Variants in CREB5 observed in about 807,000 individuals in gnomAD.
CREB5 encodes the protein cAMP responsive element binding protein 5.
A neutral mutation model predicts 57.1 loss-of-function variants in CREB5; 19 were observed. That is an observed-to-expected ratio of 0.33 (90% CI 0.23 to 0.49). The LOEUF is 0.49. CREB5 is among the 20% of genes least tolerant of loss of function. The pLI is 0.99. For missense variants in CREB5, 579 were observed against 671.6 expected (o/e 0.86, Z 1.52); for synonymous variants, 238 against 238.3 (o/e 1.00, Z 0.01).
chr7:28,537,470 G>A (rs1794012022), intron 4 of CREB5, among the ~76,000 whole-genome samples: 1 of 150,956 alleles, frequency 6.6e-6, no homozygotes. Context: ...TGATGCAAAT[G>A]CCTCAGAAAT....
rs2240484 is a variant in CREB5 at position 28,667,073 on chromosome 7, G to A, written c.465-51680G>A. On this transcript the variant is annotated intron_variant, in intron 5 of 10. Transcript: ENST00000357727. ...TCTGCTTTTTTGTGAAGAGTGAAAC[G>A]AGGACTGATGCTCTTGGAATCATGT... 3.3e-5 allele frequency among the ~76,000 whole-genome samples: 5 copies of A among 151,784 alleles called. No homozygotes were observed. In the South Asian group the frequency reaches 6.2e-4, roughly 19 times the overall value.
At chr7:28,698,281 G>T (rs1242239064) in intron 5 of CREB5, among the ~76,000 whole-genome samples, 1 of 150,906 alleles carries the variant, frequency 6.6e-6, no homozygotes, top group Non-Finnish European at 1.5e-5. Context: ...AGAAAAAAAG[G>T]CCTGCGGGAC....
intron 5 of CREB5, among the ~76,000 whole-genome samples, chr7:28,642,987 T>TACACACATACACACATAC: frequency 1.0e-5 from 1 of 98,332 alleles, no homozygotes; most frequent in Non-Finnish European, 2.1e-5. Flanking sequence ...CACACACACA[T>TACACACATACACACATAC]ACACACACAC....
At chr7:28,643,110 G>T (rs898925846) in intron 5 of CREB5, among the ~76,000 whole-genome samples, 1 of 151,774 alleles carries the variant, frequency 6.6e-6, no homozygotes, top group Non-Finnish European at 1.5e-5. Flanking sequence ...CTCAATTGTC[G>T]GGTCCTGAGG....
chr7:28,524,316 AACACAC>A (rs4000595), intron 4 of CREB5, among the ~76,000 whole-genome samples: 5,534 of 136,588 alleles, frequency 0.041, 241 homozygotes, highest in African/African-American at 0.1. Context: ...GCCTCTACTA[AACACAC>A]ACACACACAC....
At chr7:28,587,056 A>G (rs1468236525) in intron 5 of CREB5, among the ~76,000 whole-genome samples, 2 of 152,254 alleles carry the variant, frequency 1.3e-5, no homozygotes, top group Non-Finnish European at 2.9e-5. Flanking sequence ...GAACAACTCA[A>G]ATGTCATTAC....
chr7:28,466,102 A>G (rs973516762), intron 1 of CREB5, among the ~76,000 whole-genome samples: 14 of 152,218 alleles, frequency 9.2e-5, no homozygotes, highest in African/African-American at 3.4e-4. Context: ...CTTCATTTAG[A>G]AAAAGTGTTA....
intron 1 of CREB5, among the ~76,000 whole-genome samples, chr7:28,399,956 G>A (rs921716506): frequency 1.3e-5 from 2 of 152,264 alleles, no homozygotes; most frequent in African/African-American, 2.4e-5. Flanking sequence ...TACTCGGGAG[G>A]CTGAGGCAGG....
At chr7:28,723,495 C>T (rs1262394344) in intron 6 of CREB5, among the ~76,000 whole-genome samples, 1 of 152,152 alleles carries the variant, frequency 6.6e-6, no homozygotes, top group Non-Finnish European at 1.5e-5. Context: ...AACCCTCGGC[C>T]GCTTTCTTCA....
rs1797302669 is a variant in CREB5 at position 28,609,456 on chromosome 7, G to C, written c.464+38919G>C. The stretch of plus-strand genomic sequence containing the variant: ...TTAAGTGAATGTCATCCCTGGAATG[G>C]ATAGAAAATATTTTGCTATCCCTTA... On this transcript the variant is annotated intron_variant, in intron 5 of 10. Transcript: ENST00000357727. 2.0e-5 allele frequency among the ~76,000 whole-genome samples: 3 copies of C among 152,166 alleles called. No individual in the cohort carries two copies. The South Asian group carries it at 6.2e-4, about 32-fold the overall frequency.
intron 1 of CREB5, among the ~76,000 whole-genome samples, chr7:28,327,588 C>T (rs942580450): frequency 4.6e-5 from 7 of 152,184 alleles, no homozygotes; most frequent in Non-Finnish European, 1.0e-4. Context: ...CTGCCCTTCC[C>T]ACTTCTCCCA....
chr7:28,560,941 C>CGCGCGTGTGCGTGCGTGCGCGTGCGT (rs1795201744), intron 4 of CREB5, among the ~76,000 whole-genome samples: 7 of 44,654 alleles, frequency 1.6e-4, no homozygotes, highest in Non-Finnish European at 2.5e-4. Flanking sequence ...TGTGTGCGTG[C>CGCGCGTGTGCGTGCGTGCGCGTGCGT]GTGTGTGTGC....
chr7:28,718,871 T>C lies in CREB5; in HGVS notation c.583T>C (p.Leu195=). Residue 195 remains leucine, a synonymous_variant, in exon 6 of 11, where the codon TTG becomes CTG. Coordinates refer to ENST00000357727, the MANE Select transcript of CREB5 (RefSeq NM_182898.4). ...NPTMPGSSAV[L]MPMERQMSVN... is the part of the protein sequence containing the mutation. ...TACAATGCCAGGATCTTCCGCCGTC[T>C]TGATGCCAGTAAGTGTTTCTGTGTG... 1 of 1,614,106 alleles carries C rather than the reference T, an allele frequency of 6.2e-7. No individual in the cohort carries two copies. The highest frequency in any genetic ancestry group is 8.5e-7 in the Non-Finnish European group (1 of 1,179,938).
chr7:28,455,628 C>T (rs1188435356), intron 1 of CREB5, among the ~76,000 whole-genome samples: 2 of 152,028 alleles, frequency 1.3e-5, no homozygotes, highest in African/African-American at 2.4e-5. Context: ...GCACCTGGAC[C>T]TTCCGGCTCA....
chr7:28,434,788 G>A (rs1390638305), intron 1 of CREB5, among the ~76,000 whole-genome samples: 2 of 152,088 alleles, frequency 1.3e-5, no homozygotes, highest in Non-Finnish European at 2.9e-5. Flanking sequence ...GCTGAACCAT[G>A]GCCCTGGCTT....
intron 1 of CREB5, among the ~76,000 whole-genome samples, chr7:28,393,293 C>A (rs1047552089): frequency 6.6e-6 from 1 of 152,210 alleles, no homozygotes; most frequent in Admixed American, 6.5e-5. Flanking sequence ...CTCTCAAAAT[C>A]ATTGCTTCCT....
intron 5 of CREB5, among the ~76,000 whole-genome samples, chr7:28,587,936 A>G (rs1796360602): frequency 6.6e-6 from 1 of 152,124 alleles, no homozygotes; most frequent in Non-Finnish European, 1.5e-5. Context: ...ACCTGGTTTT[A>G]CCAGTACTTG....
At chr7:28,641,933 C>A (rs1346330344) in intron 5 of CREB5, among the ~76,000 whole-genome samples, 1 of 152,150 alleles carries the variant, frequency 6.6e-6, no homozygotes, top group African/African-American at 2.4e-5. Context: ...CACGTGTGTG[C>A]ACGTGTGTGT....
chr7:28,806,026 A>G (rs1808709400), intron 8 of CREB5, among the ~76,000 whole-genome samples: 1 of 152,178 alleles, frequency 6.6e-6, no homozygotes, highest in South Asian at 2.1e-4. Context: ...AAAAAACTAC[A>G]AAGTCAATGA....
Sources: allele counts gnomAD v4.1 joint callset (sites outside exome capture counted in the v4.1 genomes callset), GRCh38; gene constraint gnomAD v4.1.1; transcripts MANE v1.5; gene names NCBI Gene and HGNC (gene_info 2026-07-23, HGNC 2026-07-21).